Variants in RALGAPA2 observed in about 807,000 individuals in gnomAD.
RALGAPA2 encodes the protein Ral GTPase activating protein catalytic subunit alpha 2.
In RALGAPA2, 139 loss-of-function variants were observed where a neutral mutation model predicts 230.4. That is an observed-to-expected ratio of 0.60 (90% confidence interval 0.53 to 0.69). The LOEUF (loss-of-function observed/expected upper bound fraction) is 0.69, where lower values mean the gene tolerates loss of function less well. Among genes scored for constraint, RALGAPA2 ranks in the 30% least tolerant of loss-of-function variants. The pLI is 0.00. For synonymous variants in RALGAPA2, 847 were observed against 837.8 expected (o/e 1.01, Z -0.19); for missense variants, 2,163 against 2,276.0 (o/e 0.95, Z 1.01).
At chr20:20,636,990 GGC>G (rs2066882049) in intron 8 of RALGAPA2, among the ~76,000 whole-genome samples, 1 of 152,080 alleles carries the variant, frequency 6.6e-6, no homozygotes, top group Non-Finnish European at 1.5e-5. Flanking sequence ...GCCTTGGGCT[GGC>G]CTCCAGTCAC....
chr20:20,410,243 T>C (rs1450170802), intron 38 of RALGAPA2, among the ~76,000 whole-genome samples: 1 of 152,228 alleles, frequency 6.6e-6, no homozygotes, highest in Non-Finnish European at 1.5e-5. Context: ...TAAATAATTA[T>C]GGATGTTTGG....
Position 20,591,257 on chromosome 20 carries a change from G to C in RALGAPA2, c.2261C>G (p.Thr754Arg), listed in dbSNP as rs1410506009. ...NAPAAGSGHL[T>R]VGQQQQVLRS... ...AAGGACCTGCTGCTGCTGTCCCACT[G>C]TGAGATGGCCAGATCCGGCTGCAGG... is the stretch of plus-strand genomic sequence containing the variant. The change falls in exon 17 of 40, where the codon ACA becomes AGA. Residue 754 changes from threonine (T) to arginine (R), a missense_variant. Thr to Arg is a moderately conservative substitution (Grantham distance 71). Coordinates refer to ENST00000202677, the MANE Select transcript of RALGAPA2 (RefSeq NM_020343.4). 5 of 1,613,786 alleles carry C rather than the reference G, an allele frequency of 3.1e-6. No individual in the cohort carries two copies. Among genetic ancestry groups the C allele is most frequent in the Admixed American group, 3.3e-5 (2 of 60,004 alleles).
chr20:20,445,932 T>C (rs1326063983), intron 37 of RALGAPA2, among the ~76,000 whole-genome samples: 3 of 152,128 alleles, frequency 2.0e-5, no homozygotes, highest in Admixed American at 2.0e-4. Context: ...CACTAAACAA[T>C]GCACATTTGC....
At chr20:20,472,731 C>T in intron 37 of RALGAPA2, 98 bp downstream of exon 37, 1 of 1,354,732 alleles carries the variant, frequency 7.4e-7, no homozygotes, top group Non-Finnish European at 9.8e-7. Flanking sequence ...TCTCTTCCCT[C>T]TTCAATTCAG....
chr20:20,638,162 C>T lies in RALGAPA2; in HGVS notation c.667-661G>A, dbSNP rs751937875. ...TCCAAAACTGCTCAATAGCTGGGAC[C>T]GCCCCTCAGGAGCCAGGAGGACAGC... is the stretch of plus-strand genomic sequence containing the variant. On this transcript the variant is annotated intron_variant, in intron 7 of 39. Transcript: ENST00000202677. Among the ~76,000 whole-genome samples the T allele has an allele frequency of 4.6e-5, 7 of 152,178 alleles. No individual in the cohort carries two copies. In the East Asian group the frequency reaches 5.8e-4, roughly 13 times the overall value.
chr20:20,604,418 T>C (rs747388880), intron 15 of RALGAPA2, among the ~76,000 whole-genome samples: 9 of 152,212 alleles, frequency 5.9e-5, no homozygotes, highest in Non-Finnish European at 1.3e-4. Flanking sequence ...AAAGCCAAAA[T>C]AGCTCCCATC....
intron 16 of RALGAPA2, among the ~76,000 whole-genome samples, chr20:20,592,181 TC>T (rs1427270874): frequency 1.3e-5 from 2 of 152,138 alleles, no homozygotes; most frequent in African/African-American, 2.4e-5. Flanking sequence ...TTCATATTTA[TC>T]CTCTCCATGG....
At chr20:20,439,912 T>C (rs918932510) in intron 37 of RALGAPA2, among the ~76,000 whole-genome samples, 8 of 152,312 alleles carry the variant, frequency 5.3e-5, no homozygotes, top group African/African-American at 1.9e-4. Flanking sequence ...TAAATCAATG[T>C]GTTAAGAGAA....
rs144013058 is a variant in RALGAPA2, at chr20:20,600,124, G to A, written c.2203+1558C>T. Among the ~76,000 whole-genome samples, 1,117 of 151,138 alleles carry A rather than the reference G, an allele frequency of 7.4e-3. 10 individuals carry two copies. Among genetic ancestry groups the A allele is most frequent in the African/African-American group, 0.026 (1,049 of 41,122 alleles). On this transcript the variant is annotated intron_variant, in intron 16 of 39. Transcript: ENST00000202677. Reference sequence around the variant, plus strand: ...AGTCTGGCCAACATGGCGAAACCCCGTCTCTACTGAAGAAAAAAAAAATTA... The same window carrying A: ...AGTCTGGCCAACATGGCGAAACCCCATCTCTACTGAAGAAAAAAAAAATTA...
At chr20:20,632,943 A>C (rs1302507022) in intron 9 of RALGAPA2, among the ~76,000 whole-genome samples, 1 of 152,038 alleles carries the variant, frequency 6.6e-6, no homozygotes, top group African/African-American at 2.4e-5. Context: ...CTTTAGACAT[A>C]AAAATCTTTC....
intron 1 of RALGAPA2, among the ~76,000 whole-genome samples, chr20:20,704,160 C>A (rs1485948834): frequency 6.6e-6 from 1 of 152,080 alleles, no homozygotes; most frequent in South Asian, 2.1e-4. Context: ...CCCTCCATGT[C>A]CCCATCATCT....
chr20:20,511,605 G>C (rs992664624), intron 32 of RALGAPA2, among the ~76,000 whole-genome samples: 4 of 152,140 alleles, frequency 2.6e-5, no homozygotes, highest in Non-Finnish European at 1.5e-5. Context: ...TGTTTCCAGT[G>C]TCAGCTCTGC....
intron 23 of RALGAPA2, among the ~76,000 whole-genome samples, chr20:20,552,264 T>G (rs542440584): frequency 4.6e-5 from 7 of 152,320 alleles, no homozygotes; most frequent in Admixed American, 3.9e-4. Context: ...TGCCTTTCCT[T>G]CGTGGACTTG....
intron 25 of RALGAPA2, among the ~76,000 whole-genome samples, 161 bp downstream of exon 25, chr20:20,536,495 T>A (rs1308579847): frequency 6.6e-6 from 1 of 152,206 alleles, no homozygotes; most frequent in Non-Finnish European, 1.5e-5. Context: ...AACACATGCA[T>A]AGCCCATGAA....
At chr20:20,674,188 A>C (rs1377170350) in intron 3 of RALGAPA2, among the ~76,000 whole-genome samples, 6 of 146,282 alleles carry the variant, frequency 4.1e-5, no homozygotes, top group African/African-American at 1.5e-4. Flanking sequence ...ACCCTGACTC[A>C]AATAATAATA....
At chr20:20,465,197 A>ACACACACACACACT (rs772089136) in intron 37 of RALGAPA2, among the ~76,000 whole-genome samples, 320 of 147,306 alleles carry the variant, frequency 2.2e-3, no homozygotes, top group African/African-American at 3.5e-3. Flanking sequence ...ACACACACAC[A>ACACACACACACACT]CTCTCTCATA....
At chr20:20,530,108 C>T (rs1434235613) in intron 27 of RALGAPA2, among the ~76,000 whole-genome samples, 1 of 152,194 alleles carries the variant, frequency 6.6e-6, no homozygotes, top group Non-Finnish European at 1.5e-5. Flanking sequence ...AGGTATCCCA[C>T]ACACCTCAGT....
chr20:20,500,284 T>A (rs1174398032), intron 35 of RALGAPA2, among the ~76,000 whole-genome samples: 1 of 152,220 alleles, frequency 6.6e-6, no homozygotes, highest in Non-Finnish European at 1.5e-5. Context: ...TGTGATGGTG[T>A]CTGACAGCAT....
intron 4 of RALGAPA2, among the ~76,000 whole-genome samples, chr20:20,649,964 T>C (rs1235270842): frequency 2.0e-5 from 3 of 152,186 alleles, no homozygotes; most frequent in Non-Finnish European, 4.4e-5. Context: ...CAGAAAAAAT[T>C]TGATAAACAA....
Sources: gnomAD v4.1 joint callset for allele counts (sites outside exome capture counted in the v4.1 genomes callset) on GRCh38, gnomAD v4.1.1 for gene constraint, MANE v1.5 for transcripts, NCBI Gene and HGNC (gene_info 2026-07-23, HGNC 2026-07-21) for gene names.